TAFA1: variants seen among roughly 807,000 people sequenced by gnomAD.
TAFA1 encodes TAFA chemokine like family member 1, also known as chemokine-like protein TAFA-1.
TAFA1 carries 4 observed loss-of-function variants against 18.5 expected under a neutral mutation model. The ratio of observed to expected loss-of-function variants is 0.22; its 90% confidence interval spans 0.11 to 0.49. TAFA1 has a LOEUF of 0.49. Ranked by LOEUF, TAFA1 falls within the 20% of genes least tolerant of loss-of-function variation. TAFA1 has a pLI of 0.98. For synonymous variants in TAFA1, 56 were observed against 55.2 expected (o/e 1.01, Z -0.06); for missense variants, 147 against 169.0 (o/e 0.87, Z 0.72).
intron 3 of TAFA1, among the ~76,000 whole-genome samples, chr3:68,472,074 T>G (rs1342405904): frequency 6.6e-6 from 1 of 152,088 alleles, no homozygotes; most frequent in Non-Finnish European, 1.5e-5. Context: ...GACATGAGAT[T>G]TGGGGGGGAC....
chr3:68,184,508 A>G lies in TAFA1; in HGVS notation c.118+177764A>G, dbSNP rs140103241. Among the ~76,000 whole-genome samples, 750 of 152,256 alleles carry G rather than the reference A, an allele frequency of 4.9e-3. 4 individuals carry two copies. The highest frequency in any genetic ancestry group is 0.017 in the African/African-American group (714 of 41,560). ...GAAAGAGAGCTGATTTTTATTCTCT[A>G]TAAGGATAAAAATTATTATTTTTTG... On this transcript the variant is annotated intron_variant, in intron 2 of 4. Coordinates refer to ENST00000478136, the MANE Select transcript of TAFA1 (RefSeq NM_213609.4).
intron 2 of TAFA1, among the ~76,000 whole-genome samples, chr3:68,113,939 C>T (rs1380154769): frequency 6.9e-6 from 1 of 144,016 alleles, no homozygotes; most frequent in Admixed American, 7.1e-5. Context: ...GAGTCTCACT[C>T]CGCCAACCAG....
chr3:68,002,282 A>G (rs184015387), upstream of TAFA1, among the ~76,000 whole-genome samples: 28 of 152,358 alleles, frequency 1.8e-4, no homozygotes, highest in African/African-American at 6.3e-4. Flanking sequence ...TGCATTTAGA[A>G]TGATAGTTAA....
Position 68,053,630 on chromosome 3 carries a change from G to A in TAFA1, c.118+46886G>A, listed in dbSNP as rs141867242. Among the ~76,000 whole-genome samples the A allele has an allele frequency of 1.0e-2, 1,516 of 152,164 alleles. 34 individuals are homozygous for A. The highest frequency in any genetic ancestry group is 0.035 in the African/African-American group (1,433 of 41,512). On this transcript the variant is annotated intron_variant, in intron 2 of 4. Transcript: ENST00000478136. ...TTGTGGGATGTAGAGACACTCAAACGGCAAATTAAGCTTCCAGCAAAGCAG... is the reference window on the plus strand; with the variant it reads ...TTGTGGGATGTAGAGACACTCAAACAGCAAATTAAGCTTCCAGCAAAGCAG...
chr3:68,403,985 C>T (rs939998379), intron 2 of TAFA1, among the ~76,000 whole-genome samples: 2 of 152,212 alleles, frequency 1.3e-5, no homozygotes, highest in African/African-American at 4.8e-5. Context: ...GCTGCTCCAG[C>T]TAATACTAAT....
chr3:68,260,227 T>C (rs564154972), intron 2 of TAFA1, among the ~76,000 whole-genome samples: 1 of 152,340 alleles, frequency 6.6e-6, no homozygotes, highest in Non-Finnish European at 1.5e-5. Flanking sequence ...TCTGTTTATA[T>C]GCTGGATTAC....
At chr3:68,338,981 T>C (rs1206323547) in intron 2 of TAFA1, among the ~76,000 whole-genome samples, 1 of 152,170 alleles carries the variant, frequency 6.6e-6, no homozygotes, top group African/African-American at 2.4e-5. Flanking sequence ...CGTCTCATGG[T>C]CAATAACAAG....
At chr3:68,456,455 A>G (rs13082036) in intron 3 of TAFA1, among the ~76,000 whole-genome samples, 62,640 of 151,986 alleles carry the variant, frequency 0.41, 13,451 homozygotes, top group Non-Finnish European at 0.45. Context: ...GCATCTGAGA[A>G]TTGGTCTGCG....
chr3:68,080,356 A>C (rs564987187), intron 2 of TAFA1, among the ~76,000 whole-genome samples: 1 of 151,674 alleles, frequency 6.6e-6, no homozygotes, highest in Admixed American at 6.6e-5. Context: ...TCCTGTCATT[A>C]TGAGGTTAGC....
At chr3:67,992,473 C>T in the TAFA1 span, among the ~76,000 whole-genome samples, 4 of 152,112 alleles carry the variant, frequency 2.6e-5, no homozygotes, top group Non-Finnish European at 5.9e-5. Context: ...TCTTGATTCC[C>T]ATTATCTTAT....
chr3:68,285,452 A>C (rs975748807), intron 2 of TAFA1, among the ~76,000 whole-genome samples: 30 of 152,128 alleles, frequency 2.0e-4, no homozygotes, highest in African/African-American at 7.0e-4. Context: ...AAAAACATAT[A>C]TATATAGCAA....
chr3:68,375,557 A>C (rs1318367298), intron 2 of TAFA1, among the ~76,000 whole-genome samples: 1 of 152,192 alleles, frequency 6.6e-6, no homozygotes. Context: ...CATGCCTGGG[A>C]AAAGTCAATA....
chr3:67,993,637 C>T, the TAFA1 span, among the ~76,000 whole-genome samples: 2 of 152,170 alleles, frequency 1.3e-5, no homozygotes, highest in Non-Finnish European at 2.9e-5. Context: ...CACATAAGGT[C>T]TGTGTAAAGG....
At chr3:68,543,239 G>A (rs2073406311) in intron 4 of TAFA1, among the ~76,000 whole-genome samples, 1 of 152,080 alleles carries the variant, frequency 6.6e-6, no homozygotes, top group Non-Finnish European at 1.5e-5. Flanking sequence ...GACAATGATG[G>A]AATAATTTCA....
At chr3:68,092,181 G>T (rs2065037442) in intron 2 of TAFA1, among the ~76,000 whole-genome samples, 1 of 151,968 alleles carries the variant, frequency 6.6e-6, no homozygotes, top group African/African-American at 2.4e-5. Flanking sequence ...AAATTAAGGT[G>T]CATTTTTATT....
At chr3:68,488,990 T>C (rs1202819264) in intron 3 of TAFA1, among the ~76,000 whole-genome samples, 1 of 152,230 alleles carries the variant, frequency 6.6e-6, no homozygotes, top group African/African-American at 2.4e-5. Flanking sequence ...CTAAGTGCTT[T>C]ATTTTCAGAA....
At chr3:68,262,889 A>G (rs1355666365) in intron 2 of TAFA1, among the ~76,000 whole-genome samples, 1 of 152,210 alleles carries the variant, frequency 6.6e-6, no homozygotes, top group Non-Finnish European at 1.5e-5. Flanking sequence ...GTTAGACATT[A>G]AATGTTGTAC....
chr3:68,382,576 A>T (rs529562831), intron 2 of TAFA1, among the ~76,000 whole-genome samples: 102 of 151,944 alleles, frequency 6.7e-4, no homozygotes, highest in African/African-American at 2.2e-3. Flanking sequence ...CCATTTGTCT[A>T]TGTCTCTGTT....
At chr3:68,258,351 G>C (rs1461240525) in intron 2 of TAFA1, among the ~76,000 whole-genome samples, 2 of 152,274 alleles carry the variant, frequency 1.3e-5, no homozygotes, top group African/African-American at 4.8e-5. Flanking sequence ...ACTCGTGGTT[G>C]ATGTATTCAA....
Sources: allele counts gnomAD v4.1 joint callset (sites outside exome capture counted in the v4.1 genomes callset), GRCh38; gene constraint gnomAD v4.1.1; transcripts MANE v1.5; gene names NCBI Gene and HGNC (gene_info 2026-07-23, HGNC 2026-07-21).